Variants in DLGAP1 observed in about 807,000 individuals in gnomAD.
DLGAP1 encodes disks large-associated protein 1.
Under a neutral mutation model 90.8 loss-of-function variants are expected in DLGAP1, and 11 were observed. The observed-to-expected ratio is 0.12, with a 90% CI of 0.08 to 0.20. The LOEUF is 0.20. DLGAP1 is among the 10% of genes least tolerant of loss of function. DLGAP1 has a pLI of 1.00. For missense variants in DLGAP1, 1,050 were observed against 1,333.8 expected (o/e 0.79, Z 3.31); for synonymous variants, 558 against 540.7 (o/e 1.03, Z -0.44).
chr18:4,114,453 T>C (rs535218308), intron 2 of DLGAP1, among the ~76,000 whole-genome samples: 27 of 152,258 alleles, frequency 1.8e-4, no homozygotes, highest in African/African-American at 6.5e-4. Flanking sequence ...TTTGGTACAT[T>C]GATTTTGTAT....
chr18:4,376,769 T>C (rs1401484174), intron 1 of DLGAP1, among the ~76,000 whole-genome samples: 3 of 152,152 alleles, frequency 2.0e-5, no homozygotes, highest in Admixed American at 2.0e-4. Context: ...AGAGGTGGAA[T>C]TAATTTTATT....
intron 1 of DLGAP1, among the ~76,000 whole-genome samples, chr18:4,261,011 G>A (rs2078992210): frequency 6.9e-6 from 1 of 145,802 alleles, no homozygotes; most frequent in Admixed American, 6.7e-5. Flanking sequence ...AATGAAATGA[G>A]AGTGTGTAAA....
Position 4,342,379 on chromosome 18 carries a change from C to A in DLGAP1, c.-267+112627G>T, listed in dbSNP as rs919941337. On this transcript the variant is annotated intron_variant, in intron 1 of 12. Coordinates refer to ENST00000315677, the MANE Select transcript of DLGAP1 (RefSeq NM_004746.4). This position sits in a 1 kb window ranked among gnomAD's most constrained non-coding sequence, Gnocchi z 5.8. ...AATATGTTAAATGGATAAACACTCC[C>A]AAATATCTTACATTTTAAAAATTGG... Among the ~76,000 whole-genome samples, 7 of 152,056 alleles carry A rather than the reference C, an allele frequency of 4.6e-5. No individual in the cohort carries two copies. Among genetic ancestry groups the A allele is most frequent in the South Asian group, 2.1e-4 (1 of 4,816 alleles).
intron 7 of DLGAP1, among the ~76,000 whole-genome samples, chr18:3,605,766 C>CT (rs2057297603): frequency 6.6e-6 from 1 of 152,210 alleles, no homozygotes; most frequent in South Asian, 2.1e-4. Context: ...CTAACTTGAG[C>CT]TTTCTCCAGA....
In DLGAP1 at chr18:3,756,508, G is replaced by A. The variant is rs565158151; in HGVS notation, c.1173-13996C>T. On this transcript the variant is annotated intron_variant, in intron 5 of 12. Coordinates refer to ENST00000315677, the MANE Select transcript of DLGAP1 (RefSeq NM_004746.4). ...AAAATTAATAACTTTAAATATCTAT[G>A]TTAGAAAAAAGAAATTATCTCAAAT... Among the ~76,000 whole-genome samples the A allele has an allele frequency of 2.0e-5, 3 of 152,080 alleles. No homozygotes were observed. The South Asian group carries it at 6.2e-4, about 32-fold the overall frequency.
intron 1 of DLGAP1, among the ~76,000 whole-genome samples, chr18:4,180,368 G>A (rs2077186289): frequency 6.6e-6 from 1 of 152,072 alleles, no homozygotes; most frequent in Admixed American, 6.6e-5. Context: ...AAACAAAATG[G>A]GAGAGGTGGC....
intron 1 of DLGAP1, among the ~76,000 whole-genome samples, chr18:4,234,915 G>A (rs1242621380): frequency 6.6e-6 from 1 of 152,160 alleles, no homozygotes; most frequent in Non-Finnish European, 1.5e-5. Context: ...ATGTGCACGT[G>A]AACCCTGAAC....
intron 3 of DLGAP1, among the ~76,000 whole-genome samples, chr18:3,911,245 T>C (rs1476711376): frequency 6.6e-6 from 1 of 152,210 alleles, no homozygotes; most frequent in Non-Finnish European, 1.5e-5. Context: ...TGATTACTTT[T>C]TGCACAGTAG....
At chr18:4,375,360 G>C (rs962027315) in intron 1 of DLGAP1, among the ~76,000 whole-genome samples, 3 of 152,056 alleles carry the variant, frequency 2.0e-5, no homozygotes, top group Non-Finnish European at 4.4e-5. Flanking sequence ...CACCCAACTT[G>C]AGCTTCAACA....
intron 4 of DLGAP1, among the ~76,000 whole-genome samples, chr18:3,833,213 CCTTCCTTCCTTCCTTCCTTCCTT>C: frequency 7.8e-5 from 2 of 25,644 alleles, no homozygotes; most frequent in Non-Finnish European, 1.6e-4. Flanking sequence ...TTCCTTCCTT[CCTTCCTTCCTTCCTTCCTTCCTT>C]CCTCCTTGTT....
chr18:4,386,625 G>A (rs2082235364), intron 1 of DLGAP1, among the ~76,000 whole-genome samples: 1 of 152,158 alleles, frequency 6.6e-6, no homozygotes. Context: ...GGTGATAATG[G>A]GAAAATATGG....
intron 2 of DLGAP1, among the ~76,000 whole-genome samples, chr18:4,061,384 A>AT (rs1259074625): frequency 5.6e-5 from 2 of 35,954 alleles, no homozygotes; most frequent in East Asian, 3.3e-3. Context: ...GATTAATCTT[A>AT]TAAAAATCTG....
intron 1 of DLGAP1, among the ~76,000 whole-genome samples, chr18:4,269,096 C>A (rs2079196840): frequency 6.6e-6 from 1 of 151,686 alleles, no homozygotes; most frequent in Non-Finnish European, 1.5e-5. Context: ...CTTATAATAT[C>A]AAGAAATCCC....
rs2081223365 is a variant in DLGAP1 at position 4,342,886 on chromosome 18, C to T, written c.-267+112120G>A. On this transcript the variant is annotated intron_variant, in intron 1 of 12. Coordinates refer to ENST00000315677, the MANE Select transcript of DLGAP1 (RefSeq NM_004746.4). This position sits in a 1 kb window ranked among gnomAD's most constrained non-coding sequence, Gnocchi z 5.8. ...TTAACAACCCTAGTAAATAGCTTTGCATAAACAATATCAGATCTGAATATG... is the reference window on the plus strand; with the variant it reads ...TTAACAACCCTAGTAAATAGCTTTGTATAAACAATATCAGATCTGAATATG... Among the ~76,000 whole-genome samples the T allele has an allele frequency of 6.6e-6, 1 of 152,078 alleles. No homozygotes were observed. Among genetic ancestry groups the T allele is most frequent in the African/African-American group, 2.4e-5 (1 of 41,412 alleles).
intron 1 of DLGAP1, among the ~76,000 whole-genome samples, chr18:4,387,140 AAAGGAT>A (rs1342500069): frequency 6.6e-6 from 1 of 152,196 alleles, no homozygotes; most frequent in African/African-American, 2.4e-5. Context: ...GACTGGATGA[AAAGGAT>A]AAGATGAAGA....
rs1184512184 is a variant in DLGAP1, at chr18:4,293,430, T to C, written c.-266-142143A>G. 7 of 152,228 alleles carry C rather than the reference T, an allele frequency of 4.6e-5. No homozygotes were observed. In the South Asian group the frequency reaches 8.3e-4, roughly 18 times the overall value. The allele number at this position is 152,228 out of a possible 1,614,324, so 9.4% of individuals were successfully genotyped here. A position where few individuals can be genotyped will look rare whatever the true frequency, so the allele number is the denominator to read the frequency against. On this transcript the variant is annotated intron_variant, in intron 1 of 12. Transcript: ENST00000315677. ...AGATACAATGATCAAAATAAGAACA[T>C]TGCTTTTTGCAAAATCAGATTAAAC...
chr18:4,396,306 A>C (rs1598351184), intron 1 of DLGAP1, among the ~76,000 whole-genome samples: 1 of 152,212 alleles, frequency 6.6e-6, no homozygotes, highest in East Asian at 1.9e-4. Context: ...TTGTAAAAGA[A>C]TATGACCACC....
At chr18:4,351,861 A>C (rs1009135359) in intron 1 of DLGAP1, among the ~76,000 whole-genome samples, 14 of 152,206 alleles carry the variant, frequency 9.2e-5, no homozygotes, top group African/African-American at 3.4e-4. Context: ...TCTAGTAAGA[A>C]GATTGTTTAG....
At chr18:4,058,587 G>A (rs2075256173) in intron 2 of DLGAP1, among the ~76,000 whole-genome samples, 1 of 152,114 alleles carries the variant, frequency 6.6e-6, no homozygotes. Flanking sequence ...TACCATTTAT[G>A]AGCACTTACC....
Sources: gnomAD v4.1 joint callset for allele counts (sites outside exome capture counted in the v4.1 genomes callset) on GRCh38, gnomAD v4.1.1 for gene constraint, Gnocchi (gnomAD v3.1) non-coding constraint, MANE v1.5 for transcripts, NCBI Gene and HGNC (gene_info 2026-07-23, HGNC 2026-07-21) for gene names.